Variants in ABCC3 observed in about 807,000 individuals in gnomAD.
ABCC3 encodes ATP binding cassette subfamily C member 3, also known as ATP-binding cassette sub-family C member 3.
In ABCC3, 121 loss-of-function variants were observed where a neutral mutation model predicts 165.3. The observed-to-expected ratio is 0.73, with a 90% CI of 0.63 to 0.85. ABCC3 has a LOEUF of 0.85. ABCC3 is among the 40% of genes least tolerant of loss of function. The pLI is 0.00. For synonymous variants in ABCC3, 733 were observed against 810.1 expected, an observed-to-expected ratio of 0.90 and a Z score of 1.62; for missense variants, 1,869 against 1,964.1, an observed-to-expected ratio of 0.95 and a Z score of 0.92.
intron 15 of ABCC3, 60 bp downstream of exon 15, chr17:50,668,979 T>C (rs1369165425): frequency 5.0e-6 from 8 of 1,598,034 alleles, no homozygotes; most frequent in Admixed American, 1.7e-5. Context: ...TTCAGATCAA[T>C]AGCAGCACCC....
At chr17:50,686,063 G>A (rs780027041) in intron 29 of ABCC3, among the ~76,000 whole-genome samples, 9 of 152,110 alleles carry the variant, frequency 5.9e-5, no homozygotes, top group Non-Finnish European at 4.4e-5. Context: ...GCGTGATGGC[G>A]GGCGCCTGTA....
intron 25 of ABCC3, 42 bp downstream of exon 25, chr17:50,678,261 C>A: frequency 6.6e-7 from 1 of 1,509,162 alleles, no homozygotes; most frequent in Non-Finnish European, 8.8e-7. Flanking sequence ...ACCACTGGGA[C>A]AGAAACCACA....
intron 1 of ABCC3, among the ~76,000 whole-genome samples, chr17:50,646,164 A>C (rs928444717): frequency 3.9e-5 from 6 of 152,214 alleles, no homozygotes; most frequent in African/African-American, 1.4e-4. Context: ...TGGCAGTATT[A>C]AACAGGATGG....
chr17:50,643,610 C>T lies in ABCC3; in HGVS notation c.45+8629C>T, dbSNP rs546877206. On this transcript the variant is annotated intron_variant, in intron 1 of 30. Transcript: ENST00000285238. ...CAAACATTGTCAAGGCCAAGAGTGA[C>T]GCTCCAGGGAAGGGGATCTCTCTAG... 905 of 456,282 alleles carry T rather than the reference C, an allele frequency of 2.0e-3. 18 individuals are homozygous for T. Among genetic ancestry groups the T allele is most frequent in the South Asian group, 0.013 (862 of 64,572 alleles). The allele number at this position is 456,282 out of a possible 1,614,324, so 28.3% of individuals were successfully genotyped here. A position where few individuals can be genotyped will look rare whatever the true frequency, so the allele number is the denominator to read the frequency against.
At position 50,673,099 on chromosome 17, in the gene ABCC3, T is replaced by C. The variant is rs960301626; in HGVS notation, c.2370T>C (p.Phe790=). The C allele has an allele frequency of 1.2e-6, 2 of 1,614,144 alleles. No homozygotes were observed. The highest frequency in any genetic ancestry group is 1.7e-6 in the Non-Finnish European group (2 of 1,180,020). ...ACTCTCATGTGGCCAAGCACATCTT[T>C]GACCACGTCATCGGGCCAGAAGGCG... ...AVDSHVAKHI[F]DHVIGPEGVL... The change falls in exon 18 of 31, where the codon TTT becomes TTC. Residue 790 remains phenylalanine, a synonymous_variant. Transcript: ENST00000285238.
intron 30 of ABCC3, among the ~76,000 whole-genome samples, chr17:50,688,950 C>T (rs2146649109): frequency 6.6e-6 from 1 of 151,400 alleles, no homozygotes; most frequent in Non-Finnish European, 1.5e-5. Flanking sequence ...CACCTGTAAT[C>T]CCAGGACTTT....
intron 19 of ABCC3, among the ~76,000 whole-genome samples, chr17:50,673,960 CT>C (rs771112215): frequency 4.7e-5 from 1 of 21,330 alleles, no homozygotes; most frequent in Non-Finnish European, 8.5e-5. Flanking sequence ...TTCTTTCTTT[CT>C]TTCTTTCTTT....
intron 27 of ABCC3, 68 bp from the exon 28 acceptor site, chr17:50,683,881 G>T: frequency 6.3e-7 from 1 of 1,575,750 alleles, no homozygotes; most frequent in South Asian, 1.2e-5. Flanking sequence ...CGGCCTCCAG[G>T]AGAGTCCTGG....
intron 29 of ABCC3, among the ~76,000 whole-genome samples, chr17:50,685,414 C>A (rs1175423589): frequency 6.6e-6 from 1 of 152,154 alleles, no homozygotes; most frequent in Admixed American, 6.5e-5. Flanking sequence ...TAATAACAGT[C>A]CAAACCTCTT....
Position 50,656,739 on chromosome 17 carries a change from A to T in ABCC3, c.260A>T (p.Asp87Val). 1.9e-6 allele frequency: 3 copies of T among 1,613,630 alleles called. No homozygotes were observed. Among genetic ancestry groups the T allele is most frequent in the Middle Eastern group, 1.7e-4 (1 of 6,058 alleles). ...GVLLWCVSWADLFYSFHGLVH... is the reference protein window; with the variant it reads ...GVLLWCVSWAVLFYSFHGLVH... Reference sequence around the variant, plus strand: ...CTGCTGTGGTGCGTCTCCTGGGCGGACCTTTTTTACTCCTTCCATGGCCTG... The same window carrying T: ...CTGCTGTGGTGCGTCTCCTGGGCGGTCCTTTTTTACTCCTTCCATGGCCTG... Residue 87 changes from aspartate to valine, a missense_variant, in exon 3 of 31, where the codon GAC (aspartate) becomes GTC (valine). Physicochemically the swap from Asp to Val is radical, Grantham distance 152 (BLOSUM62 -3). Coordinates refer to ENST00000285238, the MANE Select transcript of ABCC3 (RefSeq NM_003786.4).
chr17:50,660,366 C>T (rs1284063910), intron 7 of ABCC3, among the ~76,000 whole-genome samples: 3 of 152,246 alleles, frequency 2.0e-5, no homozygotes, highest in Non-Finnish European at 4.4e-5. Flanking sequence ...AACCCTCCCT[C>T]CTCCCATCCA....
intron 11 of ABCC3, 132 bp downstream of exon 11, chr17:50,665,377 A>G: frequency 2.8e-6 from 2 of 719,458 alleles, no homozygotes; most frequent in Non-Finnish European, 4.8e-6. Context: ...CCATTTGCAG[A>G]AACCATAGCT....
At position 50,669,414 on chromosome 17, in the gene ABCC3, G is replaced by A. The variant is rs1967595862; in HGVS notation, c.2127G>A (p.Val709=). The part of the protein sequence containing the change: ...WIQNCTLQEN[V]LFGKALNPKR... ...AGAACTGCACTCTTCAGGAAAACGT[G>A]CTTTTCGGCAAAGCCCTGAACCCCA... Residue 709 remains valine (V), a synonymous_variant, in exon 17 of 31, where the codon GTG becomes GTA. Coordinates refer to ENST00000285238, the MANE Select transcript of ABCC3 (RefSeq NM_003786.4). The A allele has an allele frequency of 6.2e-7, 1 of 1,614,246 alleles. No homozygotes were observed. Among genetic ancestry groups the A allele is most frequent in the Non-Finnish European group, 8.5e-7 (1 of 1,180,046 alleles).
intron 30 of ABCC3, among the ~76,000 whole-genome samples, chr17:50,689,343 C>T (rs1042608529): frequency 6.6e-6 from 1 of 152,214 alleles, no homozygotes; most frequent in South Asian, 2.1e-4. Flanking sequence ...CTTGGAGAGG[C>T]AGACCACTCC....
chr17:50,654,339 C>T (rs779678630), intron 1 of ABCC3, among the ~76,000 whole-genome samples: 1 of 152,044 alleles, frequency 6.6e-6, no homozygotes, highest in South Asian at 2.1e-4. Context: ...ACATTAGTGG[C>T]CTTGGAGGAA....
Position 50,664,029 on chromosome 17 carries a change from G to A in ABCC3, c.1256G>A (p.Arg419His), listed in dbSNP as rs142924921. Residue 419 changes from arginine to histidine, a missense_variant, in exon 10 of 31, where the codon CGC becomes CAC. Arg to His is a conservative substitution (Grantham distance 29). Coordinates refer to ENST00000285238, the MANE Select transcript of ABCC3 (RefSeq NM_003786.4). ...AACCTCATGTCAGTGGATGCCCAGC[G>A]CTTCATGGACCTTGCCCCCTTCCTC... ...IVNLMSVDAQ[R>H]FMDLAPFLNL... 2.8e-4 allele frequency: 456 copies of A among 1,614,194 alleles called. 4 individuals are homozygous for A. The African/African-American group carries it at 4.8e-3, about 17-fold the overall frequency.
In ABCC3 at chr17:50,660,991, C is replaced by T; in HGVS notation, c.875C>T (p.Pro292Leu). The T allele has an allele frequency of 6.2e-7, 1 of 1,614,052 alleles. No homozygotes were observed. The highest frequency in any genetic ancestry group is 8.5e-7 in the Non-Finnish European group (1 of 1,179,956). The change falls in exon 8 of 31, where the codon CCC becomes CTC. Residue 292 changes from proline (P) to leucine (L), a missense_variant. By Grantham distance (98) the Pro-to-Leu change is moderately conservative. Transcript: ENST00000285238. ...GACGAGGTGCTGCTGGGTGCCCGGC[C>T]CAGGCCCCGGAAGCCCTCCTTCCTG... ...GEDEVLLGAR[P>L]RPRKPSFLKA...
chr17:50,639,006 T>G (rs979664756), intron 1 of ABCC3, among the ~76,000 whole-genome samples: 2 of 152,190 alleles, frequency 1.3e-5, no homozygotes, highest in Admixed American at 1.3e-4. Context: ...CTCCTCTGCC[T>G]TCTTAGTAGG....
At chr17:50,673,342 G>C in intron 18 of ABCC3, 127 bp from the exon 19 acceptor site, 2 of 1,296,226 alleles carry the variant, frequency 1.5e-6, no homozygotes, top group Non-Finnish European at 2.1e-6. Context: ...CACAGGGTGA[G>C]TCACCCATGT....
Sources: gnomAD v4.1 joint callset for allele counts (sites outside exome capture counted in the v4.1 genomes callset) on GRCh38, gnomAD v4.1.1 for gene constraint, MANE v1.5 for transcripts, NCBI Gene and HGNC (gene_info 2026-07-23, HGNC 2026-07-21) for gene names.